Variants in ATXN7L2 observed in about 807,000 individuals in gnomAD.
ATXN7L2 encodes ataxin-7-like protein 2.
Under a neutral mutation model 59.6 loss-of-function variants are expected in ATXN7L2, and 17 were observed. The ratio of observed to expected loss-of-function variants is 0.29; its 90% confidence interval spans 0.20 to 0.43. ATXN7L2 has a LOEUF of 0.43. ATXN7L2 is among the 20% of genes least tolerant of loss of function. ATXN7L2 has a pLI of 1.00. For synonymous variants in ATXN7L2, 378 were observed against 392.5 expected (o/e 0.96, Z 0.44); for missense variants, 858 against 1,008.9 (o/e 0.85, Z 2.03).
intron 5 of ATXN7L2, 71 bp downstream of exon 5, chr1:109,487,875 T>C (rs1418666064): frequency 2.0e-6 from 3 of 1,494,076 alleles, no homozygotes; most frequent in Non-Finnish European, 2.7e-6. Flanking sequence ...GTCCTTGGGC[T>C]GGATGAGGAG....
chr1:109,490,600 T>G lies in ATXN7L2; in HGVS notation c.1454+208T>G, dbSNP rs202188879. ...TTGGCTAAGGCAGGGCATGGAAGGG[T>G]GGTCTGGGGGTGAATCTAGACTTTC... is the stretch of plus-strand genomic sequence containing the variant. On this transcript the variant is annotated intron_variant, in intron 9 of 10. Coordinates refer to ENST00000683729, the MANE Select transcript of ATXN7L2 (RefSeq NM_001350175.2). Among the ~76,000 whole-genome samples, 7 of 152,030 alleles carry G rather than the reference T, an allele frequency of 4.6e-5. No individual in the cohort carries two copies. The East Asian group carries it at 1.3e-3, about 29-fold the overall frequency.
chr1:109,485,196 T>G, intron 1 of ATXN7L2: 15 of 818,426 alleles, frequency 1.8e-5, no homozygotes, highest in Non-Finnish European at 2.1e-5. Context: ...GTCAGACGGG[T>G]TTGGTGACTC....
intron 1 of ATXN7L2, 66 bp downstream of exon 1, chr1:109,484,146 C>A: frequency 7.6e-7 from 1 of 1,312,674 alleles, no homozygotes; most frequent in South Asian, 2.0e-5. Context: ...TCCGGGCCCC[C>A]GCCAGCTGAG....
chr1:109,488,417 A>G lies in ATXN7L2; in HGVS notation c.831A>G (p.Val277=), dbSNP rs752829351. The G allele has an allele frequency of 1.2e-6, 2 of 1,604,926 alleles. No individual in the cohort carries two copies. Among genetic ancestry groups the G allele is most frequent in the Non-Finnish European group, 1.7e-6 (2 of 1,174,046 alleles). Residue 277 remains valine (V), a synonymous_variant, in exon 6 of 11, where the codon GTA becomes GTG. Transcript: ENST00000683729. This position sits in a 1 kb window ranked among gnomAD's most constrained non-coding sequence, Gnocchi z 5.0. ...GCGACCTCAACAGGCAGTGTGGGGT[A>G]ATAAATCCAGAGACCAAAAAGATCT... The part of the protein sequence containing the change: ...KECDLNRQCG[V]INPETKKICT...
chr1:109,488,860 A>T lies in ATXN7L2; in HGVS notation c.893A>T (p.His298Leu). 1 of 1,613,834 alleles carries T rather than the reference A, an allele frequency of 6.2e-7. No homozygotes were observed. The highest frequency in any genetic ancestry group is 2.2e-5 in the East Asian group (1 of 44,874). The stretch of plus-strand genomic sequence containing the variant: ...GCTGTATTCTAGATCCACTCAGTAC[A>T]CCAGCGCCGGGAAGTCCAGGGCCGG... ...RLLTCKIHSV[H>L]QRREVQGRAK... The change falls in exon 7 of 11, where the codon CAC (histidine) becomes CTC (leucine). Residue 298 changes from histidine (H) to leucine (L), a missense_variant. Coordinates refer to ENST00000683729, the MANE Select transcript of ATXN7L2 (RefSeq NM_001350175.2). This position sits in a 1 kb window ranked among gnomAD's most constrained non-coding sequence, Gnocchi z 5.0.
chr1:109,492,611 C>T lies in ATXN7L2; in HGVS notation c.*11C>T, dbSNP rs1213685947. 1 of 1,613,504 alleles carries T rather than the reference C, an allele frequency of 6.2e-7. No homozygotes were observed. Among genetic ancestry groups the T allele is most frequent in the East Asian group, 2.2e-5 (1 of 44,880 alleles). ...TCAAAAGCCCATTAACGAGAAAGTG[C>T]CTGCCCACTGCAACGGAGCCGCCAG... is the stretch of plus-strand genomic sequence containing the variant. On this transcript the variant is annotated 3_prime_UTR_variant, in exon 11 of 11. Transcript: ENST00000683729.
intron 9 of ATXN7L2, among the ~76,000 whole-genome samples, 188 bp downstream of exon 9, chr1:109,490,580 T>C (rs1161876026): frequency 3.3e-5 from 5 of 152,192 alleles, no homozygotes; most frequent in Admixed American, 6.5e-5. Context: ...AGAGTTTGGC[T>C]AAGGCAGGGC....
At chr1:109,484,293 G>A (rs1336515643) in intron 1 of ATXN7L2, among the ~76,000 whole-genome samples, 3 of 151,994 alleles carry the variant, frequency 2.0e-5, no homozygotes, top group Non-Finnish European at 2.9e-5. Flanking sequence ...AGCCCACCCT[G>A]CCAACCTCTG....
intron 7 of ATXN7L2, chr1:109,489,505 A>C: frequency 3.0e-6 from 1 of 328,096 alleles, no homozygotes; most frequent in Non-Finnish European, 5.7e-6. Context: ...GGAGACACAC[A>C]TGCATCTCTG....
Position 109,489,997 on chromosome 1 carries a change from C to G in ATXN7L2, c.1201C>G (p.Leu401Val), listed in dbSNP as rs1656911426. 1 of 1,613,720 alleles carries G rather than the reference C, an allele frequency of 6.2e-7. No homozygotes were observed. Among genetic ancestry groups the G allele is most frequent in the Non-Finnish European group, 8.5e-7 (1 of 1,179,902 alleles). ...GPCGGDGDPGLFPFPMPRGGT... is the reference protein window; with the variant it reads ...GPCGGDGDPGVFPFPMPRGGT... ...CTGTGGTGGTGATGGGGACCCAGGCCTGTTCCCCTTCCCCATGCCCCGGGG... is the reference window on the plus strand; with the variant it reads ...CTGTGGTGGTGATGGGGACCCAGGCGTGTTCCCCTTCCCCATGCCCCGGGG... The change falls in exon 8 of 11, where the codon CTG becomes GTG. Residue 401 changes from leucine (L) to valine (V), a missense_variant. Coordinates refer to ENST00000683729, the MANE Select transcript of ATXN7L2 (RefSeq NM_001350175.2).
At chr1:109,492,460 A>C (rs557738008) in intron 10 of ATXN7L2, 126 bp from the exon 11 acceptor site, 1 of 1,279,434 alleles carries the variant, frequency 7.8e-7, no homozygotes, top group South Asian at 1.5e-5. Flanking sequence ...CCCCTTGCTC[A>C]GTTTTACTCA....
intron 9 of ATXN7L2, 47 bp downstream of exon 9, chr1:109,490,439 A>C (rs1230907738): frequency 6.3e-7 from 1 of 1,599,868 alleles, no homozygotes; most frequent in Non-Finnish European, 8.5e-7. Flanking sequence ...GGAAATTCCT[A>C]GGTTCCAGAC....
downstream of ATXN7L2, chr1:109,492,772 A>G (rs532893235): frequency 1.1e-4 from 84 of 781,824 alleles, no homozygotes; most frequent in Non-Finnish European, 1.6e-4. Flanking sequence ...TGAAAATATA[A>G]AAACAGAAAC....
intron 8 of ATXN7L2, 49 bp from the exon 9 acceptor site, chr1:109,490,222 T>C (rs1176190257): frequency 6.2e-7 from 1 of 1,603,682 alleles, no homozygotes; most frequent in Non-Finnish European, 8.5e-7. Flanking sequence ...GCAGATGCTG[T>C]CTGTGCACCC....
In ATXN7L2 at chr1:109,486,758, G is replaced by A. The variant is rs750745198; in HGVS notation, c.298+148G>A. On this transcript the variant is annotated intron_variant, in intron 3 of 10. Coordinates refer to ENST00000683729, the MANE Select transcript of ATXN7L2 (RefSeq NM_001350175.2). The surrounding 1 kb of genome is among the most constrained non-coding windows in gnomAD (Gnocchi z 4.3). ...GTGGGGGTGGCTTCAGAGCATTGTG[G>A]GGAGTCGGGTTATTGTTTGAACAAA... The A allele has an allele frequency of 7.8e-6, 6 of 772,594 alleles. No homozygotes were observed. Among genetic ancestry groups the A allele is most frequent in the African/African-American group, 1.8e-5 (1 of 56,708 alleles). The allele number at this position is 772,594 out of a possible 1,614,324, so 47.9% of individuals were successfully genotyped here.
chr1:109,492,510 T>C lies in ATXN7L2; in HGVS notation c.2251-76T>C, dbSNP rs1657177063. 1.5e-5 allele frequency: 24 copies of C among 1,587,292 alleles called. No homozygotes were observed. The South Asian group carries it at 2.5e-4, about 17-fold the overall frequency. On this transcript the variant is annotated intron_variant, in intron 10 of 10. Coordinates refer to ENST00000683729, the MANE Select transcript of ATXN7L2 (RefSeq NM_001350175.2). ...GGAAATCAAGCTTTAGCCTCTGTAG[T>C]GCACACAGTTCACTGGGTAGGACAG...
At position 109,487,935 on chromosome 1, in the gene ATXN7L2, C is replaced by T. The variant is rs1318218420; in HGVS notation, c.796+131C>T. Reference sequence around the variant, plus strand: ...ATCACAGGTTGTAGGGTATAGGAGCCCCGTCACCTCTTGACCTGCTTGCTT... The same window carrying T: ...ATCACAGGTTGTAGGGTATAGGAGCTCCGTCACCTCTTGACCTGCTTGCTT... On this transcript the variant is annotated intron_variant, in intron 5 of 10. Coordinates refer to ENST00000683729, the MANE Select transcript of ATXN7L2 (RefSeq NM_001350175.2). 2.1e-5 allele frequency: 23 copies of T among 1,090,776 alleles called. No individual in the cohort carries two copies. In the South Asian group the frequency reaches 3.2e-4, roughly 15 times the overall value. 67.6% of individuals were successfully genotyped at this position (1,090,776 alleles called of 1,614,324 possible). A position where few individuals can be genotyped will look rare whatever the true frequency, so the allele number is the denominator to read the frequency against.
Position 109,491,492 on chromosome 1 carries a change from T to A in ATXN7L2, c.2025T>A (p.Ser675=). The change falls in exon 10 of 11, where the codon TCT becomes TCA. Residue 675 remains serine (S), a synonymous_variant. Coordinates refer to ENST00000683729, the MANE Select transcript of ATXN7L2 (RefSeq NM_001350175.2). The surrounding 1 kb of genome is among the most constrained non-coding windows in gnomAD (Gnocchi z 4.1). ...PHQLPTPVKA[S]QLENRGAAGH... ...AGCTCCCCACACCAGTCAAGGCTTC[T>A]CAGCTGGAGAACCGGGGAGCAGCTG... 1 of 1,613,958 alleles carries A rather than the reference T, an allele frequency of 6.2e-7. No homozygotes were observed. The highest frequency in any genetic ancestry group is 1.1e-5 in the South Asian group (1 of 91,088).
Position 109,490,339 on chromosome 1 carries a change from C to T in ATXN7L2, c.1401C>T (p.Phe467=), listed in dbSNP as rs201786463. 58 of 1,613,800 alleles carry T rather than the reference C, an allele frequency of 3.6e-5. No individual in the cohort carries two copies. In the Admixed American group the frequency reaches 7.5e-4, roughly 21 times the overall value. Residue 467 remains phenylalanine (F), a synonymous_variant, in exon 9 of 11, where the codon TTC becomes TTT. Transcript: ENST00000683729. The part of the protein sequence containing the change: ...CYVFSRRLDR[F]CSALSSMLER... The stretch of plus-strand genomic sequence containing the variant: ...TGTTTAGCCGCCGGCTGGACCGGTT[C>T]TGCTCAGCACTCAGCTCCATGCTGG...
Sources: allele counts gnomAD v4.1 joint callset (sites outside exome capture counted in the v4.1 genomes callset), GRCh38; gene constraint gnomAD v4.1.1; non-coding constraint Gnocchi (gnomAD v3.1); transcripts MANE v1.5; gene names NCBI Gene and HGNC (gene_info 2026-07-23, HGNC 2026-07-21).